Variants in ELAVL3 observed in about 807,000 individuals in gnomAD.
The protein encoded by ELAVL3 is ELAV-like protein 3.
ELAVL3 carries 8 observed loss-of-function variants against 34.2 expected under a neutral mutation model. The ratio of observed to expected loss-of-function variants is 0.23; its 90% CI spans 0.14 to 0.42. ELAVL3 has a LOEUF of 0.42. Ranked by LOEUF, ELAVL3 falls within the 10% of genes least tolerant of loss-of-function variation. The probability of loss-of-function intolerance (pLI) is 1.00; values close to 1 mark genes in which losing one functional copy is unlikely to be tolerated. For synonymous variants in ELAVL3, 209 were observed against 222.1 expected, an observed-to-expected ratio of 0.94 and a Z score of 0.53; for missense variants, 273 against 518.8, an observed-to-expected ratio of 0.53 and a Z score of 4.60.
rs183571038 is a variant in ELAVL3 at position 11,471,901 on chromosome 19, A to G, written c.10-5074T>C. Among the ~76,000 whole-genome samples the G allele has an allele frequency of 2.4e-4, 37 of 152,342 alleles. 1 individual carries two copies. The highest frequency in any genetic ancestry group is 7.9e-4 in the African/African-American group (33 of 41,578). ...GGCTATATGAAGGGCTATGTAGAGGAGAATTTTAAAGCCACTTCAGAAATC... is the reference window on the plus strand; with the variant it reads ...GGCTATATGAAGGGCTATGTAGAGGGGAATTTTAAAGCCACTTCAGAAATC... On this transcript the variant is annotated intron_variant, in intron 1 of 6. Transcript: ENST00000359227.
Position 11,458,014 on chromosome 19 carries a change from G to C in ELAVL3, c.713+47C>G. 1 of 1,583,704 alleles carries C rather than the reference G, an allele frequency of 6.3e-7. No homozygotes were observed. Among genetic ancestry groups the C allele is most frequent in the Non-Finnish European group, 8.6e-7 (1 of 1,162,946 alleles). On this transcript the variant is annotated intron_variant, in intron 5 of 6. Coordinates refer to ENST00000359227, the MANE Select transcript of ELAVL3 (RefSeq NM_001420.4). The surrounding 1 kb of genome is among the most constrained non-coding windows in gnomAD (Gnocchi z 7.3). ...GAATGGGGTTCAGGGAGGGTTGCAA[G>C]CTTGGGGGCACCCGGCCTGGGGCCA...
In ELAVL3 at chr19:11,480,601, G is replaced by C; in HGVS notation, c.8C>G (p.Thr3Ser). 1 of 1,489,772 alleles carries C rather than the reference G, an allele frequency of 6.7e-7. No individual in the cohort carries two copies. Among genetic ancestry groups the C allele is most frequent in the Non-Finnish European group, 8.9e-7 (1 of 1,118,362 alleles). 92.3% of individuals were successfully genotyped at this position (1,489,772 alleles called of 1,614,324 possible). A position where few individuals can be genotyped will look rare whatever the true frequency, so the allele number is the denominator to read the frequency against. The change falls in exon 1 of 7, where the codon ACT becomes AGT. Residue 3 changes from threonine (T) to serine (S), a missense_variant and splice_region_variant. By Grantham distance (58) the Thr-to-Ser change is moderately conservative. Coordinates refer to ENST00000359227, the MANE Select transcript of ELAVL3 (RefSeq NM_001420.4). The surrounding 1 kb of genome is among the most constrained non-coding windows in gnomAD (Gnocchi z 6.8). ...TTTCGGCGACAGGGGAATACCTACAGTGACCATTCTTGTGTGCCCGGCGGG... is the reference window on the plus strand; with the variant it reads ...TTTCGGCGACAGGGGAATACCTACACTGACCATTCTTGTGTGCCCGGCGGG... MV[T>S]QILGAMESQV...
At chr19:11,464,131 C>CTGTCTCTCTG (rs1358994514) in intron 3 of ELAVL3, among the ~76,000 whole-genome samples, 1 of 101,162 alleles carries the variant, frequency 9.9e-6, no homozygotes, top group African/African-American at 5.3e-5. Flanking sequence ...CTGTCTCTCT[C>CTGTCTCTCTG]TCTCTCTCTC....
rs545329258 is a variant in ELAVL3, at chr19:11,480,509, AC to A, written c.9+90del. 1,046 of 1,129,700 alleles carry A rather than the reference AC, an allele frequency of 9.3e-4. No individual in the cohort carries two copies. Among genetic ancestry groups the A allele is most frequent in the South Asian group, 1.7e-3 (74 of 44,620 alleles). 70.0% of individuals were successfully genotyped at this position (1,129,700 alleles called of 1,614,324 possible). ...CCCGGGCCTAGCTAGGCCTGGTCCT[AC>A]CCCCCCCGCCGCACCCGCCCAATCT... On this transcript the variant is annotated intron_variant, in intron 1 of 6. Coordinates refer to ENST00000359227, the MANE Select transcript of ELAVL3 (RefSeq NM_001420.4). This position sits in a 1 kb window ranked among gnomAD's most constrained non-coding sequence, Gnocchi z 6.8.
chr19:11,464,151 C>CTCTCTCTCTATA (rs1215435723), intron 3 of ELAVL3, among the ~76,000 whole-genome samples: 27 of 86,454 alleles, frequency 3.1e-4, no homozygotes, highest in African/African-American at 9.7e-4. Flanking sequence ...CTCTCTCTCT[C>CTCTCTCTCTATA]TATATATATA....
At chr19:11,477,195 T>C (rs1370722386) in intron 1 of ELAVL3, among the ~76,000 whole-genome samples, 1 of 152,214 alleles carries the variant, frequency 6.6e-6, no homozygotes, top group Non-Finnish European at 1.5e-5. Context: ...TGCCTTTCTG[T>C]TCTTCCTTAA....
intron 3 of ELAVL3, among the ~76,000 whole-genome samples, chr19:11,463,279 T>C (rs550091995): frequency 6.6e-6 from 1 of 152,260 alleles, no homozygotes; most frequent in South Asian, 2.1e-4. Context: ...TGGAGATATT[T>C]TGGGCAGCTG....
intron 1 of ELAVL3, among the ~76,000 whole-genome samples, chr19:11,474,954 G>A (rs1225452327): frequency 9.2e-5 from 14 of 152,008 alleles, no homozygotes. Context: ...TCAGCCTCTG[G>A]AGTAGCTGGG....
chr19:11,458,655 T>C lies in ELAVL3; in HGVS notation c.334-44A>G. The C allele has an allele frequency of 2.5e-6, 4 of 1,606,954 alleles. No individual in the cohort carries two copies. The highest frequency in any genetic ancestry group is 3.4e-6 in the Non-Finnish European group (4 of 1,177,444). ...TGGACAGGGGTGAGGCAGAGACCCA[T>C]TTCACAGATGGAGAGAGTGAGGCCA... On this transcript the variant is annotated intron_variant, in intron 3 of 6. Transcript: ENST00000359227. This position sits in a 1 kb window ranked among gnomAD's most constrained non-coding sequence, Gnocchi z 7.3.
rs531792337 is a variant in ELAVL3 at position 11,475,454 on chromosome 19, T to A, written c.9+5146A>T. Among the ~76,000 whole-genome samples, 5 of 152,096 alleles carry A rather than the reference T, an allele frequency of 3.3e-5. No homozygotes were observed. The East Asian group carries it at 7.7e-4, about 23-fold the overall frequency. On this transcript the variant is annotated intron_variant, in intron 1 of 6. Coordinates refer to ENST00000359227, the MANE Select transcript of ELAVL3 (RefSeq NM_001420.4). ...CCAGTAGCTAGGACTACAAGTGCAA[T>A]TCATCATGCCCAGCTAATTTTTTAT...
In ELAVL3 at chr19:11,480,670, G is replaced by A; in HGVS notation, c.-62C>T. ...GGGCTCCGGGGGTGGTGCACTCCTA[G>A]GGGGGCGCCCGATGCTCACGCTGGG... On this transcript the variant is annotated 5_prime_UTR_variant, in exon 1 of 7. Coordinates refer to ENST00000359227, the MANE Select transcript of ELAVL3 (RefSeq NM_001420.4). The surrounding 1 kb of genome is among the most constrained non-coding windows in gnomAD (Gnocchi z 6.8). 2 of 1,356,818 alleles carry A rather than the reference G, an allele frequency of 1.5e-6. No individual in the cohort carries two copies. The highest frequency in any genetic ancestry group is 4.0e-5 in the South Asian group (2 of 49,834). 84.0% of individuals were successfully genotyped at this position (1,356,818 alleles called of 1,614,324 possible). A position where few individuals can be genotyped will look rare whatever the true frequency, so the allele number is the denominator to read the frequency against.
chr19:11,457,922 G>T, intron 5 of ELAVL3, 139 bp downstream of exon 5: 1 of 851,368 alleles, frequency 1.2e-6, no homozygotes, highest in Non-Finnish European at 1.8e-6. Flanking sequence ...GCTGGCCTTG[G>T]CACCTGACAG....
rs373548221 is a variant in ELAVL3 at position 11,464,185 on chromosome 19, C to G, written c.333+1987G>C. Among the ~76,000 whole-genome samples, 278 of 119,686 alleles carry G rather than the reference C, an allele frequency of 2.3e-3. 5 individuals carry two copies. Among genetic ancestry groups the G allele is most frequent in the South Asian group, 0.014 (54 of 3,906 alleles). 78.5% of individuals were successfully genotyped at this position (119,686 alleles called of 152,430 possible). A position where few individuals can be genotyped will look rare whatever the true frequency, so the allele number is the denominator to read the frequency against. ...TATATATATTTTTTTTTTTTTTAGA[C>G]AGGGTCTTGCTCTGTTGCCGAGGCT... On this transcript the variant is annotated intron_variant, in intron 3 of 6. Transcript: ENST00000359227.
At position 11,454,304 on chromosome 19, in the gene ELAVL3, A is replaced by C; in HGVS notation, c.*222T>G. On this transcript the variant is annotated 3_prime_UTR_variant, in exon 7 of 7. Transcript: ENST00000359227. The surrounding 1 kb of genome is among the most constrained non-coding windows in gnomAD (Gnocchi z 9.2). ...GAACAGCCCAGCCTGGGGTGGGGGC[A>C]GGAGGATGGGGCGGGGGATCCCCGG... The C allele has an allele frequency of 3.6e-6, 2 of 556,592 alleles. No homozygotes were observed. Among genetic ancestry groups the C allele is most frequent in the Non-Finnish European group, 6.4e-6 (2 of 313,268 alleles). 34.5% of individuals were successfully genotyped at this position (556,592 alleles called of 1,614,324 possible).
rs1332691878 is a variant in ELAVL3, at chr19:11,480,758, T to C, written c.-150A>G. The C allele has an allele frequency of 2.8e-6, 2 of 702,296 alleles. No homozygotes were observed. Among genetic ancestry groups the C allele is most frequent in the Non-Finnish European group, 2.1e-6 (1 of 487,004 alleles). The allele number at this position is 702,296 out of a possible 1,614,324, so 43.5% of individuals were successfully genotyped here. A position where few individuals can be genotyped will look rare whatever the true frequency, so the allele number is the denominator to read the frequency against. ...TGTGGCGATGAAGGCGGCGGCTCCC[T>C]CGAGGGCCAGGGACGGGCCCGAACC... On this transcript the variant is annotated 5_prime_UTR_variant, in exon 1 of 7. Coordinates refer to ENST00000359227, the MANE Select transcript of ELAVL3 (RefSeq NM_001420.4). The surrounding 1 kb of genome is among the most constrained non-coding windows in gnomAD (Gnocchi z 6.8).
chr19:11,468,164 C>T (rs1403281284), intron 1 of ELAVL3, among the ~76,000 whole-genome samples: 1 of 152,124 alleles, frequency 6.6e-6, no homozygotes, highest in Admixed American at 6.6e-5. Context: ...AAGGTAATTC[C>T]TATCCCAAAT....
intron 6 of ELAVL3, among the ~76,000 whole-genome samples, chr19:11,456,835 T>TA (rs969794954): frequency 6.6e-6 from 1 of 151,380 alleles, no homozygotes; most frequent in African/African-American, 2.4e-5. Context: ...GGCTAATCCT[T>TA]AAAAAAAAAT....
In ELAVL3 at chr19:11,454,627, A is replaced by T. The variant is rs754575890; in HGVS notation, c.1003T>A (p.Tyr335Asn). 6.2e-7 allele frequency: 1 copy of T among 1,614,184 alleles called. No homozygotes were observed. The highest frequency in any genetic ancestry group is 8.5e-7 in the Non-Finnish European group (1 of 1,180,014). ...KGFGFVTMTN[Y>N]DEAAMAIASL... ...GCGATGGCCATGGCCGCCTCGTCAT[A>T]GTTGGTCATGGTCACGAAGCCGAAA... Residue 335 changes from tyrosine to asparagine, a missense_variant, in exon 7 of 7, where the codon TAT (tyrosine) becomes AAT (asparagine). Tyr to Asn is a moderately radical substitution (Grantham distance 143). Coordinates refer to ENST00000359227, the MANE Select transcript of ELAVL3 (RefSeq NM_001420.4). The surrounding 1 kb of genome is among the most constrained non-coding windows in gnomAD (Gnocchi z 9.2).
chr19:11,462,811 G>T (rs1487701562), intron 3 of ELAVL3, among the ~76,000 whole-genome samples: 1 of 148,128 alleles, frequency 6.8e-6, no homozygotes, highest in Non-Finnish European at 1.5e-5. Flanking sequence ...AAAATACAAA[G>T]ATTAGCCGTG....
Sources: gnomAD v4.1 joint callset for allele counts (sites outside exome capture counted in the v4.1 genomes callset) on GRCh38, gnomAD v4.1.1 for gene constraint, Gnocchi (gnomAD v3.1) non-coding constraint, MANE v1.5 for transcripts, NCBI Gene and HGNC (gene_info 2026-07-23, HGNC 2026-07-21) for gene names.